WDR5: variants seen among roughly 807,000 people sequenced by gnomAD.
WDR5 encodes the protein WD repeat domain 5.
For missense variants in WDR5, 187 were observed against 416.9 expected, an observed-to-expected ratio of 0.45 and a Z score of 4.80; for synonymous variants, 144 against 161.6, an observed-to-expected ratio of 0.89 and a Z score of 0.83.
intron 1 of WDR5, among the ~76,000 whole-genome samples, chr9:134,137,684 CA>C (rs538705043): frequency 6.7e-5 from 7 of 104,944 alleles, no homozygotes; most frequent in East Asian, 5.3e-4. Flanking sequence ...AAAACAAAAA[CA>C]AAAAAAAAAC....
chr9:134,156,616 T>C, intron 13 of WDR5, 23 bp downstream of exon 13: 1 of 1,609,886 alleles, frequency 6.2e-7, no homozygotes, highest in Non-Finnish European at 8.5e-7. Flanking sequence ...GCTCCTGCAG[T>C]CACTGGCTGC....
chr9:134,157,844 G>C lies in WDR5; in HGVS notation c.905-49G>C, dbSNP rs764285828. Reference sequence around the variant, plus strand: ...GAGCTCAGTCTGGGATGGCGTCCCCGACCCAGGCGCAGGGATGGCTCTGGT... The same window carrying C: ...GAGCTCAGTCTGGGATGGCGTCCCCCACCCAGGCGCAGGGATGGCTCTGGT... On this transcript the variant is annotated intron_variant, in intron 13 of 13. Coordinates refer to ENST00000358625, the MANE Select transcript of WDR5 (RefSeq NM_017588.3). This position sits in a 1 kb window ranked among gnomAD's most constrained non-coding sequence, Gnocchi z 5.0. 6.3e-7 allele frequency: 1 copy of C among 1,587,182 alleles called. No individual in the cohort carries two copies. The highest frequency in any genetic ancestry group is 8.6e-7 in the Non-Finnish European group (1 of 1,156,560).
chr9:134,136,540 C>T (rs891497965), intron 1 of WDR5, among the ~76,000 whole-genome samples: 8 of 152,294 alleles, frequency 5.3e-5, no homozygotes, highest in Non-Finnish European at 7.4e-5. Flanking sequence ...CCTCCACTGC[C>T]CCTTCAGGGA....
Position 134,155,325 on chromosome 9 carries a change from C to T in WDR5, c.708-15C>T, listed in dbSNP as rs768878679. 1.3e-6 allele frequency: 2 copies of T among 1,594,388 alleles called. No individual in the cohort carries two copies. Reference sequence around the variant, plus strand: ...CCTCCAGACATGCCGCCTCACCCCTCTCTCTGTCTTGCAGCACTCTGAAGC... The same window carrying T: ...CCTCCAGACATGCCGCCTCACCCCTTTCTCTGTCTTGCAGCACTCTGAAGC... On this transcript the variant is annotated splice_polypyrimidine_tract_variant and intron_variant, in intron 10 of 13. Transcript: ENST00000358625.
In WDR5 at chr9:134,157,827, T is replaced by A. The variant is rs1832818218; in HGVS notation, c.905-66T>A. On this transcript the variant is annotated intron_variant, in intron 13 of 13. Transcript: ENST00000358625. The surrounding 1 kb of genome is among the most constrained non-coding windows in gnomAD (Gnocchi z 5.0). ...GTTTCTGGAGAAAGGTGGAGCTCAG[T>A]CTGGGATGGCGTCCCCGACCCAGGC... The A allele has an allele frequency of 4.6e-6, 7 of 1,508,114 alleles. No homozygotes were observed. The highest frequency in any genetic ancestry group is 6.4e-6 in the Non-Finnish European group (7 of 1,086,940). The allele number at this position is 1,508,114 out of a possible 1,614,324, so 93.4% of individuals were successfully genotyped here.
chr9:134,152,543 C>T (rs1051300743), intron 9 of WDR5, among the ~76,000 whole-genome samples: 7 of 152,212 alleles, frequency 4.6e-5, no homozygotes, highest in Admixed American at 1.3e-4. Flanking sequence ...GGGTCTGTGA[C>T]GGCCCGGGGT....
At chr9:134,154,373 T>G in intron 9 of WDR5, 93 bp from the exon 10 acceptor site, 3 of 1,298,540 alleles carry the variant, frequency 2.3e-6, no homozygotes, top group Non-Finnish European at 3.3e-6. Flanking sequence ...CTCACTCAGA[T>G]GTCGCACGTG....
intron 1 of WDR5, among the ~76,000 whole-genome samples, chr9:134,138,076 G>C (rs1321297445): frequency 1.3e-5 from 2 of 152,208 alleles, no homozygotes; most frequent in Non-Finnish European, 2.9e-5. Flanking sequence ...AGGTTGTTTT[G>C]TTTGTTTCTT....
At chr9:134,156,424 A>G in intron 12 of WDR5, 82 bp from the exon 13 acceptor site, 2 of 1,404,032 alleles carry the variant, frequency 1.4e-6, no homozygotes, top group Non-Finnish European at 2.0e-6. Flanking sequence ...GGCAGGGCAT[A>G]ACTGGAGATT....
At chr9:134,140,105 T>C (rs1831803306) in intron 2 of WDR5, 147 bp downstream of exon 2, 1 of 953,188 alleles carries the variant, frequency 1.0e-6, no homozygotes, top group Admixed American at 2.5e-5. Flanking sequence ...ATCTGGCGAA[T>C]GCTTGTTGCC....
In WDR5 at chr9:134,157,004, C is replaced by G. The variant is rs1832775096; in HGVS notation, c.904+411C>G. Among the ~76,000 whole-genome samples the G allele has an allele frequency of 3.3e-5, 5 of 152,224 alleles. No individual in the cohort carries two copies. The South Asian group carries it at 1.0e-3, about 31-fold the overall frequency. On this transcript the variant is annotated intron_variant, in intron 13 of 13. Coordinates refer to ENST00000358625, the MANE Select transcript of WDR5 (RefSeq NM_017588.3). The surrounding 1 kb of genome is among the most constrained non-coding windows in gnomAD (Gnocchi z 5.0). Reference sequence around the variant, plus strand: ...TCCCTCTCCCAGAGAGACCCCCCAGCTGCATGCAGGCCTAGTGGGCTCCAC... The same window carrying G: ...TCCCTCTCCCAGAGAGACCCCCCAGGTGCATGCAGGCCTAGTGGGCTCCAC...
rs56864188 is a variant in WDR5 at position 134,145,096 on chromosome 9, G to GTTTTTTTTTTTTT, written c.528+2385_528+2397dup. Among the ~76,000 whole-genome samples the GTTTTTTTTTTTTT allele has an allele frequency of 1.1e-3, 115 of 104,704 alleles. 6 individuals are homozygous for GTTTTTTTTTTTTT. The highest frequency in any genetic ancestry group is 3.3e-3 in the African/African-American group (96 of 29,146). The allele number at this position is 104,704 out of a possible 152,430, so 68.7% of individuals were successfully genotyped here. ...ACTGCAGAGAGGTTTGTGGGGCTTT[G>GTTTTTTTTTTTTT]TTTTTTTTTTTTTTTTTTTTGAAAC... On this transcript the variant is annotated intron_variant, in intron 7 of 13. Coordinates refer to ENST00000358625, the MANE Select transcript of WDR5 (RefSeq NM_017588.3).
Position 134,154,479 on chromosome 9 carries a change from C to G in WDR5, c.645C>G (p.Pro215=), listed in dbSNP as rs1415566491. The G allele has an allele frequency of 2.5e-6, 4 of 1,614,208 alleles. No individual in the cohort carries two copies. The highest frequency in any genetic ancestry group is 3.4e-6 in the Non-Finnish European group (4 of 1,180,028). The stretch of plus-strand genomic sequence containing the variant: ...TTTTTATTGCAGATGACGACAACCC[C>G]CCCGTGTCTTTTGTGAAGTTCTCCC... ...CLKTLIDDDN[P]PVSFVKFSPN... The change falls in exon 10 of 14, where the codon CCC becomes CCG. Residue 215 remains proline (P), a synonymous_variant. Coordinates refer to ENST00000358625, the MANE Select transcript of WDR5 (RefSeq NM_017588.3).
intron 9 of WDR5, among the ~76,000 whole-genome samples, chr9:134,152,410 T>C: frequency 6.6e-6 from 1 of 152,106 alleles, no homozygotes; most frequent in East Asian, 1.9e-4. Context: ...GCCCATCTGC[T>C]GGGGGTGCTG....
intron 8 of WDR5, among the ~76,000 whole-genome samples, chr9:134,148,735 G>A (rs1048747911): frequency 1.3e-5 from 2 of 152,120 alleles, no homozygotes; most frequent in African/African-American, 2.4e-5. Context: ...GTGAGGATGC[G>A]TCACCATCCC....
chr9:134,140,440 C>T (rs28710163), intron 2 of WDR5, among the ~76,000 whole-genome samples: 1,623 of 152,142 alleles, frequency 0.011, 18 homozygotes, highest in Middle Eastern at 0.024. Context: ...GGGGGCCTCA[C>T]GTTTCTGGCT....
In WDR5 at chr9:134,154,552, C is replaced by T. The variant is rs374250640; in HGVS notation, c.707+11C>T. 84 of 1,613,824 alleles carry T rather than the reference C, an allele frequency of 5.2e-5. No individual in the cohort carries two copies. The highest frequency in any genetic ancestry group is 6.6e-5 in the South Asian group (6 of 91,084). ...CGCCACGCTGGACAAGTGAGTACTG[C>T]GTGGGACTGTGGGGGCGGGCATGTG... On this transcript the variant is annotated intron_variant, in intron 10 of 13. Coordinates refer to ENST00000358625, the MANE Select transcript of WDR5 (RefSeq NM_017588.3).
intron 3 of WDR5, 132 bp from the exon 4 acceptor site, chr9:134,141,378 T>C (rs1483637324): frequency 1.3e-6 from 1 of 791,746 alleles, no homozygotes; most frequent in East Asian, 2.6e-5. Flanking sequence ...GTGGCCGTGC[T>C]GAATGGGTTC....
intron 7 of WDR5, among the ~76,000 whole-genome samples, chr9:134,146,219 G>A (rs1192729856): frequency 6.7e-6 from 1 of 149,318 alleles, no homozygotes; most frequent in Admixed American, 6.7e-5. Flanking sequence ...CGCCCACCTC[G>A]GCCTCCTGAA....
Sources: gnomAD v4.1 joint callset for allele counts (sites outside exome capture counted in the v4.1 genomes callset) on GRCh38, gnomAD v4.1.1 for gene constraint, Gnocchi (gnomAD v3.1) non-coding constraint, MANE v1.5 for transcripts, NCBI Gene and HGNC (gene_info 2026-07-23, HGNC 2026-07-21) for gene names.